ACSL6: variants seen among roughly 807,000 people sequenced by gnomAD.
ACSL6 encodes the protein acyl-CoA synthetase long chain family member 6.
A neutral mutation model predicts 98.2 loss-of-function variants in ACSL6; 47 were observed. The ratio of observed to expected loss-of-function variants is 0.48; its 90% CI spans 0.38 to 0.61. The LOEUF is 0.61. Among genes scored for constraint, ACSL6 ranks in the 20% least tolerant of loss-of-function variants. ACSL6 has a pLI of 0.00. For synonymous variants in ACSL6, 362 were observed against 336.9 expected (o/e 1.07, Z -0.82); for missense variants, 761 against 913.4 (o/e 0.83, Z 2.15).
At chr5:131,990,063 T>C (rs747307534) in intron 4 of ACSL6, 37 bp downstream of exon 4, 1 of 1,608,066 alleles carries the variant, frequency 6.2e-7, no homozygotes, top group Non-Finnish European at 8.5e-7. Flanking sequence ...CAGATCTGAA[T>C]GGGTGGCCAG....
chr5:131,970,121 A>T lies in ACSL6; in HGVS notation c.1507+7T>A. The T allele has an allele frequency of 6.2e-7, 1 of 1,614,086 alleles. No individual in the cohort carries two copies. Among genetic ancestry groups the T allele is most frequent in the Non-Finnish European group, 8.5e-7 (1 of 1,179,988 alleles). ...CGAGCCAGTCCTATATCTCTAGCCC[A>T]TCCTACCTGAGGTCCAGTCGCCAGG... On this transcript the variant is annotated splice_region_variant and intron_variant, in intron 15 of 20. Transcript: ENST00000651883.
At chr5:131,968,091 T>G (rs1359359036) in intron 15 of ACSL6, 63 bp from the exon 16 acceptor site, 1 of 1,450,156 alleles carries the variant, frequency 6.9e-7, no homozygotes, top group Non-Finnish European at 9.6e-7. Context: ...CTGAAGATGT[T>G]CCAAGCCCCT....
At chr5:131,962,778 AC>A (rs1752780592) in intron 17 of ACSL6, 100 bp from the exon 18 acceptor site, 3 of 1,349,050 alleles carry the variant, frequency 2.2e-6, no homozygotes, top group African/African-American at 2.9e-5. Context: ...CACCCTGCAG[AC>A]CCCACCCCGA....
chr5:131,954,672 T>A (rs1752306139), intron 20 of ACSL6, among the ~76,000 whole-genome samples: 1 of 152,080 alleles, frequency 6.6e-6, no homozygotes, highest in Non-Finnish European at 1.5e-5. Flanking sequence ...CACATTCACG[T>A]CCAGTAGTGG....
intron 10 of ACSL6, chr5:131,975,186 AAG>A (rs1176965898): frequency 1.4e-6 from 2 of 1,398,942 alleles, no homozygotes; most frequent in East Asian, 2.7e-5. Flanking sequence ...GTGCAGAAAG[AAG>A]AGAGAGACAG....
chr5:131,992,823 T>C (rs1754596089), intron 2 of ACSL6, among the ~76,000 whole-genome samples: 1 of 152,226 alleles, frequency 6.6e-6, no homozygotes. Context: ...CCAGATGTGA[T>C]ATAGTCACAA....
At position 131,962,559 on chromosome 5, in the gene ACSL6, G is replaced by A. The variant is rs1186153448; in HGVS notation, c.1833C>T (p.Ile611=). ...CCTTTAAGCTGTCCCCATGGACATA[G>A]ATTTGCGCCACAGGTTGGCTCCGGA... ...IYIRSQPVAQ[I]YVHGDSLKAF... The change falls in exon 18 of 21, where the codon ATC becomes ATT. Residue 611 remains isoleucine, a synonymous_variant. Coordinates refer to ENST00000651883, the MANE Select transcript of ACSL6 (RefSeq NM_001009185.3). The A allele has an allele frequency of 1.2e-6, 2 of 1,614,096 alleles. No homozygotes were observed. Among genetic ancestry groups the A allele is most frequent in the Admixed American group, 1.7e-5 (1 of 60,028 alleles).
intron 1 of ACSL6, 27 bp from the exon 2 acceptor site, chr5:131,994,278 C>T: frequency 7.6e-6 from 12 of 1,577,728 alleles, no homozygotes; most frequent in Non-Finnish European, 1.0e-5. Context: ...TCAGATAAGG[C>T]AAGAGACCTG....
chr5:131,963,020 G>T (rs1752797647), intron 17 of ACSL6, among the ~76,000 whole-genome samples: 1 of 151,890 alleles, frequency 6.6e-6, no homozygotes, highest in Non-Finnish European at 1.5e-5. Flanking sequence ...TTCCATCAGG[G>T]CACCCCTCTT....
Position 131,985,873 on chromosome 5 carries a change from C to T in ACSL6, c.865-415G>A, listed in dbSNP as rs1014792399. 5.9e-5 allele frequency among the ~76,000 whole-genome samples: 9 copies of T among 152,340 alleles called. No individual in the cohort carries two copies. The East Asian group carries it at 1.7e-3, about 29-fold the overall frequency. ...GTTCTCCCAAGTATCTGAGGTTAAG[C>T]TTGGGAGCACGTGTGGCTTGGGCAC... On this transcript the variant is annotated intron_variant, in intron 8 of 20. Coordinates refer to ENST00000651883, the MANE Select transcript of ACSL6 (RefSeq NM_001009185.3).
intron 20 of ACSL6, 39 bp downstream of exon 20, chr5:131,959,497 C>A: frequency 6.3e-7 from 1 of 1,599,150 alleles, no homozygotes; most frequent in Non-Finnish European, 8.6e-7. Flanking sequence ...TCATCACTGC[C>A]TGAAGGGTTG....
At position 131,954,042 on chromosome 5, in the gene ACSL6, TA is replaced by T. The variant is rs1752274455; in HGVS notation, c.*191del. On this transcript the variant is annotated 3_prime_UTR_variant, in exon 21 of 21. Transcript: ENST00000651883. ...TAGCAGTCCACCACAATATCATTTT[TA>T]TAATAAAAATAAAATATACTCATTG... The T allele has an allele frequency of 1.4e-5, 6 of 419,964 alleles. No individual in the cohort carries two copies. Among genetic ancestry groups the T allele is most frequent in the Non-Finnish European group, 2.4e-5 (6 of 252,702 alleles). 26.0% of individuals were successfully genotyped at this position (419,964 alleles called of 1,614,324 possible).
chr5:131,987,311 C>T (rs749823689), intron 7 of ACSL6, among the ~76,000 whole-genome samples: 2 of 152,232 alleles, frequency 1.3e-5, no homozygotes, highest in Non-Finnish European at 2.9e-5. Flanking sequence ...CGGCTGGGCA[C>T]ATGCTCAGGA....
intron 11 of ACSL6, 170 bp downstream of exon 11, chr5:131,974,723 G>A: frequency 2.5e-6 from 4 of 1,586,580 alleles, no homozygotes; most frequent in Non-Finnish European, 2.6e-6. Flanking sequence ...TGGGTTCTAG[G>A]CACAGAGTGT....
chr5:131,969,601 G>T (rs1753193752), intron 15 of ACSL6, among the ~76,000 whole-genome samples: 1 of 152,178 alleles, frequency 6.6e-6, no homozygotes, highest in African/African-American at 2.4e-5. Flanking sequence ...ATAGATTCTA[G>T]ATACTACATG....
chr5:131,991,384 C>T (rs945388139), intron 2 of ACSL6, among the ~76,000 whole-genome samples: 2 of 152,210 alleles, frequency 1.3e-5, no homozygotes, highest in African/African-American at 4.8e-5. Flanking sequence ...ATCCCATCAT[C>T]TACTGCTATG....
rs747881824 is a variant in ACSL6, at chr5:131,974,952, G to T, written c.1009C>A (p.Gln337Lys). The T allele has an allele frequency of 6.2e-7, 1 of 1,614,018 alleles. No individual in the cohort carries two copies. Among genetic ancestry groups the T allele is most frequent in the South Asian group, 1.1e-5 (1 of 91,024 alleles). The change falls in exon 11 of 21, where the codon CAG becomes AAG. Residue 337 changes from glutamine (Q) to lysine (K), a missense_variant. Coordinates refer to ENST00000651883, the MANE Select transcript of ACSL6 (RefSeq NM_001009185.3). ...AGGAAGGAGATGAGCACATCGTCCT[G>T]TCTCGGAAAGATCACTTTCTGCAGG... Reference protein sequence around the residue: ...KVTEKVIFPRQDDVLISFLPL... With the variant: ...KVTEKVIFPRKDDVLISFLPL...
At chr5:131,976,748 T>C in intron 9 of ACSL6, 27 bp from the exon 10 acceptor site, 1 of 1,608,802 alleles carries the variant, frequency 6.2e-7, no homozygotes, top group Non-Finnish European at 8.5e-7. Context: ...AGAAGTCAAA[T>C]TAGTTGGAAA....
rs543873144 is a variant in ACSL6 at position 131,972,558 on chromosome 5, G to T, written c.1338+166C>A. Among the ~76,000 whole-genome samples, 8 of 152,262 alleles carry T rather than the reference G, an allele frequency of 5.3e-5. 1 individual carries two copies. The South Asian group carries it at 1.7e-3, about 32-fold the overall frequency. ...TAACGTATCTCCAAAAATCAAAAAT[G>T]TCTAAGTTTAAAATTTCAATCATAG... On this transcript the variant is annotated intron_variant, in intron 13 of 20. Coordinates refer to ENST00000651883, the MANE Select transcript of ACSL6 (RefSeq NM_001009185.3).
Sources: gnomAD v4.1 joint callset for allele counts (sites outside exome capture counted in the v4.1 genomes callset) on GRCh38, gnomAD v4.1.1 for gene constraint, MANE v1.5 for transcripts, NCBI Gene and HGNC (gene_info 2026-07-23, HGNC 2026-07-21) for gene names.